The following TRDN variants were observed in gnomAD, a reference collection of about 807,000 sequenced individuals.
TRDN encodes the protein triadin.
In TRDN, 161 loss-of-function variants were observed where a neutral mutation model predicts 149.7. That is an observed-to-expected ratio of 1.08 (90% CI 0.95 to 1.23). The LOEUF (loss-of-function observed/expected upper bound fraction) is 1.23, where lower values mean the gene tolerates loss of function less well. Among genes scored for constraint, TRDN ranks in the 50% most tolerant of loss-of-function variants. The pLI is 0.00. For synonymous variants in TRDN, 294 were observed against 250.5 expected, an observed-to-expected ratio of 1.17 and a Z score of -1.64; for missense variants, 896 against 823.5, an observed-to-expected ratio of 1.09 and a Z score of -1.08.
At chr6:123,223,978 C>T in intron 39 of TRDN, 115 bp downstream of exon 39, 1 of 850,066 alleles carries the variant, frequency 1.2e-6, no homozygotes, top group Non-Finnish European at 1.8e-6. Context: ...GTAAATGTTG[C>T]CTAGAAAAGC....
rs749565107 is a variant in TRDN, at chr6:123,535,362, A to G, written c.425-4797T>C. Among the ~76,000 whole-genome samples the G allele has an allele frequency of 6.8e-4, 104 of 152,118 alleles. 1 individual carries two copies. Among genetic ancestry groups the G allele is most frequent in the Middle Eastern group, 3.2e-3 (1 of 316 alleles). On this transcript the variant is annotated intron_variant, in intron 4 of 40. Coordinates refer to ENST00000334268, the MANE Select transcript of TRDN (RefSeq NM_006073.4). ...GCAAATTAATTTCAAAGAATGTAGG[A>G]AGTGTATTTCTACTTCTTTTACTAC...
intron 5 of TRDN, chr6:123,529,465 A>G: frequency 9.7e-7 from 1 of 1,033,232 alleles, no homozygotes. Context: ...TAAAGACATA[A>G]TATCTGTAGA....
intron 8 of TRDN, among the ~76,000 whole-genome samples, chr6:123,500,842 G>T (rs1485088850): frequency 6.6e-6 from 1 of 152,102 alleles, no homozygotes; most frequent in Non-Finnish European, 1.5e-5. Context: ...ATTCACATTA[G>T]CTATACTTTC....
At chr6:123,573,974 A>G (rs928577485) in intron 1 of TRDN, among the ~76,000 whole-genome samples, 3 of 152,032 alleles carry the variant, frequency 2.0e-5, no homozygotes, top group African/African-American at 7.2e-5. Context: ...TCATAAAATA[A>G]TACTATCCTT....
intron 38 of TRDN, 113 bp downstream of exon 38, chr6:123,252,299 G>T: frequency 3.8e-6 from 2 of 527,090 alleles, no homozygotes; most frequent in Non-Finnish European, 6.3e-6. Context: ...AGAGGATTCA[G>T]TTTAGAATAA....
chr6:123,618,854 C>T (rs1040476794), intron 1 of TRDN, among the ~76,000 whole-genome samples: 1 of 152,084 alleles, frequency 6.6e-6, no homozygotes, highest in African/African-American at 2.4e-5. Context: ...CCTTCTTCTC[C>T]CCTCTCTCCT....
intron 10 of TRDN, among the ~76,000 whole-genome samples, chr6:123,441,774 G>A (rs978650370): frequency 5.3e-5 from 8 of 152,062 alleles, no homozygotes; most frequent in South Asian, 2.1e-4. Flanking sequence ...CTGTTTCCAC[G>A]AGGAAACAAA....
At chr6:123,589,434 C>T (rs1783674885) in intron 1 of TRDN, among the ~76,000 whole-genome samples, 1 of 152,134 alleles carries the variant, frequency 6.6e-6, no homozygotes, top group Non-Finnish European at 1.5e-5. Context: ...CATTGAATTG[C>T]AAACCCACTG....
chr6:123,288,582 A>G (rs921820326), intron 24 of TRDN, among the ~76,000 whole-genome samples: 1 of 152,166 alleles, frequency 6.6e-6, no homozygotes, highest in African/African-American at 2.4e-5. Context: ...GTGAACAGAC[A>G]CTTCTCAAAA....
At chr6:123,274,698 A>G (rs1777313426) in intron 26 of TRDN, 28 bp from the exon 27 acceptor site, 2 of 1,582,070 alleles carry the variant, frequency 1.3e-6, no homozygotes, top group Non-Finnish European at 1.7e-6. Context: ...CAGAAAATTT[A>G]AAACCTGAAA....
chr6:123,413,830 C>G (rs547573603), intron 12 of TRDN, among the ~76,000 whole-genome samples: 1 of 152,216 alleles, frequency 6.6e-6, no homozygotes, highest in African/African-American at 2.4e-5. Flanking sequence ...AGATAGTCAA[C>G]AGTGTCAAAT....
At chr6:123,391,441 T>A (rs1334456964) in intron 13 of TRDN, among the ~76,000 whole-genome samples, 1 of 152,082 alleles carries the variant, frequency 6.6e-6, no homozygotes, top group Non-Finnish European at 1.5e-5. Flanking sequence ...TTGTGCTTTT[T>A]TTCTTATGTC....
intron 1 of TRDN, among the ~76,000 whole-genome samples, chr6:123,572,532 A>G (rs1782636155): frequency 6.6e-6 from 1 of 152,112 alleles, no homozygotes; most frequent in African/African-American, 2.4e-5. Context: ...TAACTGAGAG[A>G]TCATCTGGAA....
At position 123,257,510 on chromosome 6, in the gene TRDN, T is replaced by C. The variant is rs1185983470; in HGVS notation, c.1871-1608A>G. Among the ~76,000 whole-genome samples, 4 of 152,180 alleles carry C rather than the reference T, an allele frequency of 2.6e-5. No homozygotes were observed. The East Asian group carries it at 7.7e-4, about 29-fold the overall frequency. On this transcript the variant is annotated intron_variant, in intron 35 of 40. Transcript: ENST00000334268. ...CTGTTCCTTTGGTCTATATTTCTGT[T>C]TTGGTACCAGTACCATGCTGTTTTG...
intron 22 of TRDN, among the ~76,000 whole-genome samples, chr6:123,332,667 C>T (rs1322969456): frequency 1.3e-5 from 2 of 151,978 alleles, no homozygotes; most frequent in African/African-American, 2.4e-5. Flanking sequence ...AACATTAATG[C>T]TCAATAAAGA....
intron 1 of TRDN, among the ~76,000 whole-genome samples, chr6:123,582,170 C>CGAAATGGG (rs1783153108): frequency 6.6e-6 from 1 of 152,100 alleles, no homozygotes; most frequent in Non-Finnish European, 1.5e-5. Flanking sequence ...TGAGACAACT[C>CGAAATGGG]GAAATGGGGG....
chr6:123,630,295 A>C (rs1267433176), intron 1 of TRDN, among the ~76,000 whole-genome samples: 1 of 152,092 alleles, frequency 6.6e-6, no homozygotes. Context: ...AGCTCCAACT[A>C]AGCATAACTA....
At position 123,597,189 on chromosome 6, in the gene TRDN, A is replaced by C. The variant is rs143798569; in HGVS notation, c.23-26057T>G. 6.8e-3 allele frequency among the ~76,000 whole-genome samples: 1,032 copies of C among 152,178 alleles called. 9 individuals are homozygous for C. The highest frequency in any genetic ancestry group is 0.023 in the African/African-American group (961 of 41,524). On this transcript the variant is annotated intron_variant, in intron 1 of 40. Transcript: ENST00000334268. ...TTAACAGTTGATTCCAACCCTCATG[A>C]TCACTTTAAGGGGTTCAAGACTTCC...
intron 11 of TRDN, among the ~76,000 whole-genome samples, 162 bp from the exon 12 acceptor site, chr6:123,438,284 A>G (rs1256829229): frequency 6.6e-6 from 1 of 152,104 alleles, no homozygotes; most frequent in East Asian, 1.9e-4. Flanking sequence ...CCTTCATAAC[A>G]GACTAGTGGC....
Sources: allele counts gnomAD v4.1 joint callset (sites outside exome capture counted in the v4.1 genomes callset), GRCh38; gene constraint gnomAD v4.1.1; transcripts MANE v1.5; gene names NCBI Gene and HGNC (gene_info 2026-07-23, HGNC 2026-07-21).